Variants in TMEM135 observed in about 807,000 individuals in gnomAD.
TMEM135 encodes the protein peroxisomal membrane protein 52.
A neutral mutation model predicts 60.3 loss-of-function variants in TMEM135; 30 were observed. The observed-to-expected ratio is 0.50, with a 90% CI of 0.37 to 0.68. The LOEUF is 0.68. Ranked by LOEUF, TMEM135 falls within the 30% of genes least tolerant of loss-of-function variation. The pLI, the probability that TMEM135 is intolerant of heterozygous loss-of-function variation, is 0.00. For missense variants in TMEM135, 468 were observed against 548.8 expected, an observed-to-expected ratio of 0.85 and a Z score of 1.47; for synonymous variants, 190 against 186.7, an observed-to-expected ratio of 1.02 and a Z score of -0.14.
intron 5 of TMEM135, among the ~76,000 whole-genome samples, chr11:87,166,348 C>G (rs1044368424): frequency 6.6e-6 from 1 of 151,678 alleles, no homozygotes; most frequent in Non-Finnish European, 1.5e-5. Context: ...GTTGCCATTG[C>G]TTTTGGTGGT....
At position 87,268,355 on chromosome 11, in the gene TMEM135, A is replaced by G. The variant is rs539387725; in HGVS notation, c.510-27427A>G. ...GATCTGGAACTCTTGGGCTCATGCA[A>G]TCCCCCCACCTTGGCCTCCCAAAGT... On this transcript the variant is annotated intron_variant, in intron 6 of 14. Transcript: ENST00000305494. Among the ~76,000 whole-genome samples the G allele has an allele frequency of 5.9e-5, 9 of 151,298 alleles. No homozygotes were observed. In the East Asian group the frequency reaches 1.8e-3, roughly 29 times the overall value.
At chr11:87,131,698 C>T (rs1434849640) in intron 4 of TMEM135, among the ~76,000 whole-genome samples, 1 of 152,042 alleles carries the variant, frequency 6.6e-6, no homozygotes, top group Non-Finnish European at 1.5e-5. Flanking sequence ...CTTTTCTATG[C>T]CTGAATTTCC....
At chr11:87,277,398 T>A (rs910476409) in intron 6 of TMEM135, 4 of 266,330 alleles carry the variant, frequency 1.5e-5, no homozygotes, top group African/African-American at 9.2e-5. Context: ...CCCAAAGTGC[T>A]GAGATTACAG....
At chr11:87,253,364 G>T (rs1005894408) in intron 6 of TMEM135, among the ~76,000 whole-genome samples, 1 of 152,032 alleles carries the variant, frequency 6.6e-6, no homozygotes, top group African/African-American at 2.4e-5. Flanking sequence ...GTCAAAAATG[G>T]CCAGTTGCCT....
chr11:87,174,165 T>G (rs935027904), intron 5 of TMEM135, among the ~76,000 whole-genome samples: 3 of 152,158 alleles, frequency 2.0e-5, no homozygotes, highest in Non-Finnish European at 4.4e-5. Flanking sequence ...ACTGGCCTTC[T>G]AGAAATGCAG....
intron 1 of TMEM135, among the ~76,000 whole-genome samples, chr11:87,043,336 A>G (rs1249207811): frequency 2.0e-5 from 3 of 152,106 alleles, no homozygotes; most frequent in African/African-American, 7.3e-5. Flanking sequence ...CCAAAAATAT[A>G]TTTTAGAATT....
At chr11:87,283,149 A>C (rs1942098272) in intron 6 of TMEM135, among the ~76,000 whole-genome samples, 1 of 152,028 alleles carries the variant, frequency 6.6e-6, no homozygotes, top group Non-Finnish European at 1.5e-5. Context: ...AGCCTGGCCA[A>C]CATGGTGAAA....
rs774612955 is a variant in TMEM135 at position 87,290,405 on chromosome 11, GTT to G, written c.510-5373_510-5372del. On this transcript the variant is annotated intron_variant, in intron 6 of 14. Coordinates refer to ENST00000305494, the MANE Select transcript of TMEM135 (RefSeq NM_022918.4). ...AACATTTTTGCATCCCTATAAATGT[GTT>G]TTTAGAGGAAAACCTACAGTAAAGT... 7.5e-4 allele frequency among the ~76,000 whole-genome samples: 114 copies of G among 152,098 alleles called. 2 individuals carry two copies. The highest frequency in any genetic ancestry group is 7.6e-4 in the Non-Finnish European group (52 of 67,990).
intron 6 of TMEM135, among the ~76,000 whole-genome samples, chr11:87,264,774 T>A (rs1941719039): frequency 6.6e-6 from 1 of 151,910 alleles, no homozygotes; most frequent in Non-Finnish European, 1.5e-5. Context: ...AATCTTAAAC[T>A]TTATTCTTTG....
intron 4 of TMEM135, among the ~76,000 whole-genome samples, chr11:87,106,727 T>A (rs1857605916): frequency 6.6e-6 from 1 of 152,198 alleles, no homozygotes; most frequent in African/African-American, 2.4e-5. Context: ...ATCTGCTTAC[T>A]CATTATTGGT....
intron 3 of TMEM135, among the ~76,000 whole-genome samples, chr11:87,081,555 AG>A (rs1856992736): frequency 6.6e-6 from 1 of 152,204 alleles, no homozygotes; most frequent in East Asian, 1.9e-4. Flanking sequence ...CCAAAGTAAA[AG>A]AGTGTTACTG....
intron 4 of TMEM135, among the ~76,000 whole-genome samples, chr11:87,154,222 C>T (rs571550203): frequency 3.2e-4 from 49 of 152,278 alleles, no homozygotes; most frequent in African/African-American, 1.1e-3. Context: ...ATAAGTGAAT[C>T]ATTCAGTATT....
intron 5 of TMEM135, among the ~76,000 whole-genome samples, chr11:87,209,630 T>C (rs989802392): frequency 2.0e-5 from 3 of 152,108 alleles, no homozygotes; most frequent in Admixed American, 2.0e-4. Flanking sequence ...AGACAGATCA[T>C]TGAGGCAGAA....
At chr11:87,283,844 C>T (rs144806437) in intron 6 of TMEM135, among the ~76,000 whole-genome samples, 2,144 of 152,034 alleles carry the variant, frequency 0.014, 51 homozygotes, top group Non-Finnish European at 0.015. Flanking sequence ...GGTGACAGAG[C>T]GAGACTCCAT....
rs557486521 is a variant in TMEM135 at position 87,325,866 on chromosome 11, A to G, written c.*4533A>G. Reference sequence around the variant, plus strand: ...ACATCACTTGACTCTGGAATTTCCTATTTTCTTTTACTTTCTCCATTTTTT... The same window carrying G: ...ACATCACTTGACTCTGGAATTTCCTGTTTTCTTTTACTTTCTCCATTTTTT... On this transcript the variant is annotated 3_prime_UTR_variant, in exon 15 of 15. Coordinates refer to ENST00000305494, the MANE Select transcript of TMEM135 (RefSeq NM_022918.4). 192 of 453,558 alleles carry G rather than the reference A, an allele frequency of 4.2e-4. No individual in the cohort carries two copies. Among genetic ancestry groups the G allele is most frequent in the African/African-American group, 2.9e-3 (146 of 49,944 alleles). The allele number at this position is 453,558 out of a possible 1,614,324, so 28.1% of individuals were successfully genotyped here.
At chr11:87,066,293 G>A (rs1856650060) in intron 1 of TMEM135, among the ~76,000 whole-genome samples, 1 of 152,068 alleles carries the variant, frequency 6.6e-6, no homozygotes, top group Admixed American at 6.6e-5. Context: ...TACGACTAGT[G>A]AGGAGTCTAT....
chr11:87,301,097 G>A (rs1942439606), intron 7 of TMEM135, among the ~76,000 whole-genome samples: 1 of 152,084 alleles, frequency 6.6e-6, no homozygotes. Context: ...GCTGCCATCT[G>A]GTGACAAACA....
chr11:87,096,953 C>T (rs889786403), intron 4 of TMEM135, among the ~76,000 whole-genome samples: 75 of 150,786 alleles, frequency 5.0e-4, no homozygotes, highest in African/African-American at 1.4e-3. Context: ...GTGTCATTGA[C>T]GGGGTAAGTT....
At chr11:87,134,086 C>T (rs2135236183) in intron 4 of TMEM135, among the ~76,000 whole-genome samples, 1 of 152,038 alleles carries the variant, frequency 6.6e-6, no homozygotes, top group Admixed American at 6.6e-5. Flanking sequence ...GTAACACAGA[C>T]TGTGTGGCTT....
Sources: allele counts gnomAD v4.1 joint callset (sites outside exome capture counted in the v4.1 genomes callset), GRCh38; gene constraint gnomAD v4.1.1; transcripts MANE v1.5; gene names NCBI Gene and HGNC (gene_info 2026-07-23, HGNC 2026-07-21).